The following PCDHGA9 variants were observed in gnomAD, a reference collection of about 807,000 sequenced individuals.
The protein encoded by PCDHGA9 is protocadherin gamma-A9.
In PCDHGA9, 37 loss-of-function variants were observed where a neutral mutation model predicts 62.5. That is an observed-to-expected ratio of 0.59 (90% CI 0.46 to 0.78). The LOEUF (loss-of-function observed/expected upper bound fraction) is 0.78. PCDHGA9 is among the 30% of genes least tolerant of loss of function. The pLI is 0.00. For synonymous variants in PCDHGA9, 459 were observed against 484.6 expected (o/e 0.95, Z 0.69); for missense variants, 1,138 against 1,166.2 (o/e 0.98, Z 0.35).
rs576983336 is a variant in PCDHGA9, at chr5:141,489,165, G to A, written c.2425-5642G>A. 5.8e-4 allele frequency: 625 copies of A among 1,082,080 alleles called. 8 individuals are homozygous for A. The South Asian group carries it at 7.9e-3, about 14-fold the overall frequency. The allele number at this position is 1,082,080 out of a possible 1,614,324, so 67.0% of individuals were successfully genotyped here. On this transcript the variant is annotated intron_variant, in intron 1 of 3. Transcript: ENST00000573521. The surrounding 1 kb of genome is among the most constrained non-coding windows in gnomAD (Gnocchi z 4.5). ...GAAGGAGACATAAGAGACTTCAGCT[G>A]CTGCATTCCAAGCCCTGGGTCTACC...
rs757157488 is a variant in PCDHGA9 at position 141,477,668 on chromosome 5, A to G, written c.2425-17139A>G. ...TTTCACAATAAATCGTGACAATGGC[A>G]TAGTGTCATCCTTAGTGCCCCTAGA... On this transcript the variant is annotated intron_variant, in intron 1 of 3. Coordinates refer to ENST00000573521, the MANE Select transcript of PCDHGA9 (RefSeq NM_018921.3). The surrounding 1 kb of genome is among the most constrained non-coding windows in gnomAD (Gnocchi z 4.9). 10 of 1,614,104 alleles carry G rather than the reference A, an allele frequency of 6.2e-6. No individual in the cohort carries two copies. Among genetic ancestry groups the G allele is most frequent in the Non-Finnish European group, 8.5e-6 (10 of 1,180,046 alleles).
At chr5:141,438,720 G>A (rs1393152221) in intron 1 of PCDHGA9, among the ~76,000 whole-genome samples, 1 of 147,892 alleles carries the variant, frequency 6.8e-6, no homozygotes, top group Non-Finnish European at 1.5e-5. Flanking sequence ...GAGTGCAAGT[G>A]GTGTGATCTC....
At chr5:141,422,714 C>T (rs2096666670) in intron 1 of PCDHGA9, 1 of 1,603,720 alleles carries the variant, frequency 6.2e-7, no homozygotes, top group South Asian at 1.1e-5. Flanking sequence ...ACGGATGACA[C>T]TGTCCAGGGG....
intron 1 of PCDHGA9, among the ~76,000 whole-genome samples, chr5:141,483,709 G>A (rs1486825412): frequency 1.3e-5 from 2 of 152,036 alleles, no homozygotes; most frequent in Non-Finnish European, 2.9e-5. Flanking sequence ...TTTGACACCA[G>A]AATATTGGTT....
At chr5:141,473,939 C>T (rs1301939679) in intron 1 of PCDHGA9, among the ~76,000 whole-genome samples, 2 of 152,068 alleles carry the variant, frequency 1.3e-5, no homozygotes, top group African/African-American at 2.4e-5. Context: ...TGCAGTAGCT[C>T]AGGCCTGTAG....
intron 2 of PCDHGA9, among the ~76,000 whole-genome samples, chr5:141,498,795 T>C (rs2099785702): frequency 6.6e-6 from 1 of 152,032 alleles, no homozygotes; most frequent in Admixed American, 6.6e-5. Context: ...TAGCCAGGTG[T>C]GGTGGTGCAC....
intron 1 of PCDHGA9, chr5:141,413,063 T>G: frequency 1.8e-6 from 2 of 1,142,610 alleles, no homozygotes; most frequent in East Asian, 5.1e-5. Context: ...CACTCCAGAA[T>G]TTAAAGTGCC....
At position 141,431,098 on chromosome 5, in the gene PCDHGA9, A is replaced by G; in HGVS notation, c.2424+25722A>G. The G allele has an allele frequency of 6.2e-7, 1 of 1,614,260 alleles. No homozygotes were observed. The highest frequency in any genetic ancestry group is 8.5e-7 in the Non-Finnish European group (1 of 1,180,040). On this transcript the variant is annotated intron_variant, in intron 1 of 3. Transcript: ENST00000573521. This position sits in a 1 kb window ranked among gnomAD's most constrained non-coding sequence, Gnocchi z 4.8. ...ATCTAGACATTCTGATGGAGGATAA[A>G]GTGAAAATATATGGAGTAGAAGTAG...
chr5:141,443,307 C>A (rs1447607301), intron 1 of PCDHGA9, among the ~76,000 whole-genome samples: 1 of 136,584 alleles, frequency 7.3e-6, no homozygotes, highest in Non-Finnish European at 1.5e-5. Flanking sequence ...ATGGCAAAAA[C>A]CCATCTCTAC....
At chr5:141,474,965 A>T (rs1268347441) in intron 1 of PCDHGA9, among the ~76,000 whole-genome samples, 1 of 152,236 alleles carries the variant, frequency 6.6e-6, no homozygotes, top group Non-Finnish European at 1.5e-5. Context: ...TATCCTAATC[A>T]TTATAATTTT....
intron 1 of PCDHGA9, chr5:141,415,469 C>T (rs1247738517): frequency 1.9e-6 from 3 of 1,614,208 alleles, no homozygotes; most frequent in South Asian, 2.2e-5. Flanking sequence ...TCTCTCACCG[C>T]GGACTCGCGA....
At chr5:141,505,666 G>T (rs904221281) in intron 3 of PCDHGA9, among the ~76,000 whole-genome samples, 185 bp downstream of exon 3, 3 of 152,180 alleles carry the variant, frequency 2.0e-5, no homozygotes, top group Non-Finnish European at 4.4e-5. Context: ...ACAGCAGAGG[G>T]GTTGGGGGTC....
chr5:141,486,175 C>T lies in PCDHGA9; in HGVS notation c.2425-8632C>T. ...GTTCTCCAGCCATGGAGCAACATTG[C>T]AGCCTTCGAGTGGATCTGCTGGACG... On this transcript the variant is annotated intron_variant, in intron 1 of 3. Transcript: ENST00000573521. The surrounding 1 kb of genome is among the most constrained non-coding windows in gnomAD (Gnocchi z 5.0). 1 of 1,614,210 alleles carries T rather than the reference C, an allele frequency of 6.2e-7. No individual in the cohort carries two copies.
chr5:141,448,974 C>T (rs937711828), intron 1 of PCDHGA9, among the ~76,000 whole-genome samples: 5 of 151,994 alleles, frequency 3.3e-5, no homozygotes, highest in African/African-American at 1.2e-4. Context: ...CAAAAAAGAA[C>T]TTCCATATTA....
intron 1 of PCDHGA9, chr5:141,413,768 TG>T (rs1158107882): frequency 2.5e-6 from 4 of 1,613,132 alleles, no homozygotes; most frequent in Non-Finnish European, 3.4e-6. Context: ...TACCCGGAGC[TG>T]GTACTGGAGC....
chr5:141,485,714 G>A lies in PCDHGA9; in HGVS notation c.2425-9093G>A. 6.2e-7 allele frequency: 1 copy of A among 1,614,182 alleles called. No individual in the cohort carries two copies. The highest frequency in any genetic ancestry group is 8.5e-7 in the Non-Finnish European group (1 of 1,180,042). On this transcript the variant is annotated intron_variant, in intron 1 of 3. Transcript: ENST00000573521. This position sits in a 1 kb window ranked among gnomAD's most constrained non-coding sequence, Gnocchi z 5.7. ...GAGCTCCAATGAACACTTTGCACTG[G>A]ATGTGAAGAAGCGCAGCGACGGCAG...
At chr5:141,452,781 A>G (rs575869415) in intron 1 of PCDHGA9, among the ~76,000 whole-genome samples, 10 of 152,302 alleles carry the variant, frequency 6.6e-5, no homozygotes, top group African/African-American at 2.4e-4. Flanking sequence ...CTGAGAAAGT[A>G]ACATACCATC....
At chr5:141,407,243 C>G (rs1191688729) in intron 1 of PCDHGA9, among the ~76,000 whole-genome samples, 1 of 152,168 alleles carries the variant, frequency 6.6e-6, no homozygotes, top group African/African-American at 2.4e-5. Context: ...AAGCATACTT[C>G]AGGCTCATAT....
intron 1 of PCDHGA9, chr5:141,423,228 C>T (rs1321708353): frequency 6.2e-7 from 1 of 1,613,748 alleles, no homozygotes; most frequent in Non-Finnish European, 8.5e-7. Flanking sequence ...CTGTGGCCGA[C>T]AGCATCCCCG....
Sources: gnomAD v4.1 joint callset for allele counts (sites outside exome capture counted in the v4.1 genomes callset) on GRCh38, gnomAD v4.1.1 for gene constraint, Gnocchi (gnomAD v3.1) non-coding constraint, MANE v1.5 for transcripts, NCBI Gene and HGNC (gene_info 2026-07-23, HGNC 2026-07-21) for gene names.